Variants in RFX4 observed in about 807,000 individuals in gnomAD.
RFX4 encodes the protein regulatory factor X4, also known as transcription factor RFX4.
In RFX4, 10 loss-of-function variants were observed where a neutral mutation model predicts 95.0. That is an observed-to-expected ratio of 0.11 (90% CI 0.06 to 0.18). RFX4 has a LOEUF of 0.18. Among genes scored for constraint, RFX4 ranks in the 10% least tolerant of loss-of-function variants. The pLI, the probability that RFX4 is intolerant of heterozygous loss-of-function variation, is 1.00. For missense variants in RFX4, 640 were observed against 922.0 expected (o/e 0.69, Z 3.96); for synonymous variants, 321 against 340.7 (o/e 0.94, Z 0.64).
In RFX4 at chr12:106,684,772, T is replaced by C. The variant is rs1451952528; in HGVS notation, c.378-2112T>C. 5.3e-6 allele frequency: 8 copies of C among 1,503,332 alleles called. No individual in the cohort carries two copies. In the Admixed American group the frequency reaches 1.3e-4, roughly 24 times the overall value. The allele number at this position is 1,503,332 out of a possible 1,614,324, so 93.1% of individuals were successfully genotyped here. The stretch of plus-strand genomic sequence containing the variant: ...GACACGGAAGGCACAGAAGGCAGAC[T>C]TCGCTCAGCACAAAGAATTTTCTGA... On this transcript the variant is annotated intron_variant, in intron 5 of 17. Coordinates refer to ENST00000392842, the MANE Select transcript of RFX4 (RefSeq NM_213594.3).
At chr12:106,725,596 T>G (rs2042479133) in intron 13 of RFX4, among the ~76,000 whole-genome samples, 1 of 152,170 alleles carries the variant, frequency 6.6e-6, no homozygotes, top group Non-Finnish European at 1.5e-5. Flanking sequence ...AATTTACAGT[T>G]TGGATTTAAT....
intron 4 of RFX4, among the ~76,000 whole-genome samples, chr12:106,672,242 CA>C (rs1320840507): frequency 6.6e-6 from 1 of 152,044 alleles, no homozygotes; most frequent in Admixed American, 6.6e-5. Flanking sequence ...GGAGAACGGA[CA>C]GGGGAGATGA....
At chr12:106,638,910 C>G (rs2040564776) in intron 2 of RFX4, among the ~76,000 whole-genome samples, 1 of 152,168 alleles carries the variant, frequency 6.6e-6, no homozygotes, top group African/African-American at 2.4e-5. Context: ...TCATCATCAT[C>G]TGGGGGATTA....
intron 10 of RFX4, among the ~76,000 whole-genome samples, chr12:106,712,499 T>C (rs936171939): frequency 6.6e-6 from 1 of 152,190 alleles, no homozygotes; most frequent in Admixed American, 6.5e-5. Context: ...CTGTTGGTTC[T>C]GGGTGGGTTC....
Position 106,607,218 on chromosome 12 carries a change from C to T in RFX4, c.44-1579C>T, listed in dbSNP as rs558112096. 6.6e-4 allele frequency among the ~76,000 whole-genome samples: 100 copies of T among 152,246 alleles called. 2 individuals are homozygous for T. Among genetic ancestry groups the T allele is most frequent in the African/African-American group, 1.9e-3 (80 of 41,546 alleles). ...TAAAAATCACCACATTATACAGAAT[C>T]GGCCAACAAAGACCACTCAGTTTAC... On this transcript the variant is annotated intron_variant, in intron 1 of 17. Transcript: ENST00000392842.
chr12:106,707,590 A>G (rs1199309748), intron 8 of RFX4, among the ~76,000 whole-genome samples: 1 of 152,148 alleles, frequency 6.6e-6, no homozygotes, highest in Non-Finnish European at 1.5e-5. Context: ...TGTCAAGCAG[A>G]TGAGAAACAT....
chr12:106,589,743 T>G (rs889615136), intron 1 of RFX4, among the ~76,000 whole-genome samples: 2 of 152,122 alleles, frequency 1.3e-5, no homozygotes, highest in South Asian at 2.1e-4. Flanking sequence ...GGGAAACAGA[T>G]GGATGAGAGT....
At chr12:106,734,400 A>G (rs1260720596) in intron 15 of RFX4, among the ~76,000 whole-genome samples, 1 of 152,056 alleles carries the variant, frequency 6.6e-6, no homozygotes, top group Non-Finnish European at 1.5e-5. Flanking sequence ...GTTTGAGACC[A>G]GCCTGGCCAA....
chr12:106,644,434 T>C (rs1266167113), intron 3 of RFX4, among the ~76,000 whole-genome samples: 1 of 152,120 alleles, frequency 6.6e-6, no homozygotes, highest in Non-Finnish European at 1.5e-5. Context: ...GGTTTTACCA[T>C]GTTGGCCAGG....
At chr12:106,596,981 A>G (rs1316140846) in intron 1 of RFX4, among the ~76,000 whole-genome samples, 2 of 152,218 alleles carry the variant, frequency 1.3e-5, no homozygotes, top group Non-Finnish European at 2.9e-5. Flanking sequence ...TGTGCCTGAT[A>G]AATTACAAAC....
At chr12:106,743,113 AG>A (rs2042834746) in intron 15 of RFX4, among the ~76,000 whole-genome samples, 1 of 152,192 alleles carries the variant, frequency 6.6e-6, no homozygotes, top group African/African-American at 2.4e-5. Context: ...GGATCTTTAT[AG>A]GATTCTCAAC....
intron 4 of RFX4, among the ~76,000 whole-genome samples, chr12:106,679,107 T>C (rs868111355): frequency 3.3e-5 from 5 of 152,238 alleles, no homozygotes; most frequent in African/African-American, 1.2e-4. Context: ...ACTACAGCCT[T>C]GACAGCACTG....
At chr12:106,598,458 C>A (rs982184798) in intron 1 of RFX4, among the ~76,000 whole-genome samples, 1 of 152,194 alleles carries the variant, frequency 6.6e-6, no homozygotes, top group East Asian at 1.9e-4. Context: ...ATGAGACTTG[C>A]GACCAACACA....
chr12:106,682,171 T>A, intron 5 of RFX4, 117 bp downstream of exon 5: 2 of 1,038,162 alleles, frequency 1.9e-6, no homozygotes, highest in Non-Finnish European at 3.0e-6. Flanking sequence ...AGTCTGTGCC[T>A]AGAGGGAATA....
chr12:106,623,804 A>G (rs1237437006), intron 2 of RFX4, among the ~76,000 whole-genome samples: 1 of 152,240 alleles, frequency 6.6e-6, no homozygotes, highest in South Asian at 2.1e-4. Flanking sequence ...AAAATCCAGC[A>G]GAATGCTTTG....
At chr12:106,611,638 G>A (rs1184533672) in intron 2 of RFX4, among the ~76,000 whole-genome samples, 1 of 152,014 alleles carries the variant, frequency 6.6e-6, no homozygotes, top group East Asian at 1.9e-4. Context: ...AGCCTCCTGA[G>A]TAGCTGGGAT....
At chr12:106,674,445 C>T (rs2041352298) in intron 4 of RFX4, among the ~76,000 whole-genome samples, 1 of 151,998 alleles carries the variant, frequency 6.6e-6, no homozygotes, top group Non-Finnish European at 1.5e-5. Flanking sequence ...ATTCTCCTGC[C>T]TCAGCCTCCT....
chr12:106,650,142 A>G (rs2040831455), intron 3 of RFX4, among the ~76,000 whole-genome samples: 1 of 152,248 alleles, frequency 6.6e-6, no homozygotes, highest in South Asian at 2.1e-4. Context: ...ATGCTTTAAA[A>G]AATCTAATTG....
At chr12:106,614,664 A>G (rs2040036918) in intron 2 of RFX4, among the ~76,000 whole-genome samples, 1 of 151,414 alleles carries the variant, frequency 6.6e-6, no homozygotes, top group Admixed American at 6.6e-5. Context: ...ACCCGCCACC[A>G]CGCCCGGCTA....
Sources: allele counts gnomAD v4.1 joint callset (sites outside exome capture counted in the v4.1 genomes callset), GRCh38; gene constraint gnomAD v4.1.1; transcripts MANE v1.5; gene names NCBI Gene and HGNC (gene_info 2026-07-23, HGNC 2026-07-21).